The following XPO4 variants were observed in gnomAD, a reference collection of about 807,000 sequenced individuals.
XPO4 encodes exportin-4.
In XPO4, 39 loss-of-function variants were observed where a neutral mutation model predicts 143.0. That is an observed-to-expected ratio of 0.27 (90% CI 0.21 to 0.36). The LOEUF (loss-of-function observed/expected upper bound fraction) is 0.36. Ranked by LOEUF, XPO4 falls within the 10% of genes least tolerant of loss-of-function variation. The pLI is 1.00. For missense variants in XPO4, 907 were observed against 1,348.0 expected (o/e 0.67, Z 5.12); for synonymous variants, 439 against 474.0 (o/e 0.93, Z 0.96).
At chr13:20,826,995 AC>A in intron 7 of XPO4, 71 bp downstream of exon 7, 1 of 1,029,992 alleles carries the variant, frequency 9.7e-7, no homozygotes, top group Admixed American at 1.7e-5. Context: ...GTTCTGTTTT[AC>A]TTAAGAAACT....
chr13:20,836,280 T>C (rs1417858856), intron 6 of XPO4, among the ~76,000 whole-genome samples: 1 of 152,230 alleles, frequency 6.6e-6, no homozygotes, highest in Non-Finnish European at 1.5e-5. Flanking sequence ...ACCAACTATG[T>C]TCTAACTGAT....
intron 6 of XPO4, among the ~76,000 whole-genome samples, chr13:20,839,094 T>C (rs562606034): frequency 6.6e-6 from 1 of 152,132 alleles, no homozygotes; most frequent in East Asian, 1.9e-4. Context: ...CGAAACTCCA[T>C]CTCTACTAAA....
At position 20,786,913 on chromosome 13, in the gene XPO4, T is replaced by C. The variant is rs950655959; in HGVS notation, c.3258+52A>G. ...TGACCCACCATCTATCTCAACAATCTCTTTGCAAAATAGAATGAGAAGAGT... is the reference window on the plus strand; with the variant it reads ...TGACCCACCATCTATCTCAACAATCCCTTTGCAAAATAGAATGAGAAGAGT... On this transcript the variant is annotated intron_variant, in intron 22 of 22. Transcript: ENST00000255305. 97 of 1,467,502 alleles carry C rather than the reference T, an allele frequency of 6.6e-5. 2 individuals are homozygous for C. The South Asian group carries it at 1.2e-3, about 19-fold the overall frequency. 90.9% of individuals were successfully genotyped at this position (1,467,502 alleles called of 1,614,324 possible).
chr13:20,807,630 G>A lies in XPO4; in HGVS notation c.1644C>T (p.Tyr548=), dbSNP rs778524440. ...CTCCCTGAGTATCATCAGCTAAGAG[G>A]TAGCCTTCAGTTTAAAAAAAATTAA... ...DIHWLILVTG[Y]LLADDTQGET... The change falls in exon 13 of 23, where the codon TAC becomes TAT. Residue 548 remains tyrosine (Y), a synonymous_variant. Transcript: ENST00000255305. 1.2e-5 allele frequency: 18 copies of A among 1,563,878 alleles called. No individual in the cohort carries two copies. Among genetic ancestry groups the A allele is most frequent in the Non-Finnish European group, 1.5e-5 (17 of 1,164,246 alleles).
chr13:20,800,477 A>G lies in XPO4; in HGVS notation c.1978-152T>C, dbSNP rs138039861. On this transcript the variant is annotated intron_variant, in intron 14 of 22. Coordinates refer to ENST00000255305, the MANE Select transcript of XPO4 (RefSeq NM_022459.5). ...ACATGTACTCATTTCCACTGGTCAAAAAAAAAGACATCCTCAATCCACTCA... is the reference window on the plus strand; with the variant it reads ...ACATGTACTCATTTCCACTGGTCAAGAAAAAAGACATCCTCAATCCACTCA... The G allele has an allele frequency of 3.1e-5, 23 of 736,026 alleles. No individual in the cohort carries two copies. The Admixed American group carries it at 6.6e-4, about 21-fold the overall frequency. The allele number at this position is 736,026 out of a possible 1,614,324, so 45.6% of individuals were successfully genotyped here. A position where few individuals can be genotyped will look rare whatever the true frequency, so the allele number is the denominator to read the frequency against.
At chr13:20,785,899 A>AG (rs1566551895) in intron 22 of XPO4, among the ~76,000 whole-genome samples, 4 of 45,714 alleles carry the variant, frequency 8.8e-5, no homozygotes, top group South Asian at 2.8e-3. Context: ...AAAGAAAGAA[A>AG]GAGGAGGGAG....
At chr13:20,866,832 G>A (rs2060248947) in intron 2 of XPO4, among the ~76,000 whole-genome samples, 1 of 152,002 alleles carries the variant, frequency 6.6e-6, no homozygotes, top group South Asian at 2.1e-4. Flanking sequence ...AGGAAAGAAT[G>A]GTATAAACAA....
At chr13:20,787,141 G>A (rs2059217010) in intron 21 of XPO4, 84 bp from the exon 22 acceptor site, 6 of 1,160,182 alleles carry the variant, frequency 5.2e-6, no homozygotes, top group Non-Finnish European at 7.3e-6. Context: ...AAGAAGAAGA[G>A]AGGGTTGGTT....
In XPO4 at chr13:20,778,136, A is replaced by ATAGT. The variant is rs1190010516; in HGVS notation, c.*5585_*5586insACTA. The ATAGT allele has an allele frequency of 6.6e-6, 1 of 151,988 alleles. No homozygotes were observed. Among genetic ancestry groups the ATAGT allele is most frequent in the Non-Finnish European group, 1.5e-5 (1 of 68,034 alleles). 9.4% of individuals were successfully genotyped at this position (151,988 alleles called of 1,614,324 possible). On this transcript the variant is annotated 3_prime_UTR_variant, in exon 23 of 23. Coordinates refer to ENST00000255305, the MANE Select transcript of XPO4 (RefSeq NM_022459.5). ...TAAAGATGTCTTTTAAAAAACAGTT[A>ATAGT]TAGATGTGTATTTATTTGGGACCTT...
In XPO4 at chr13:20,821,840, C is replaced by G. The variant is rs766791938; in HGVS notation, c.1037G>C (p.Ser346Thr). ...IEDSEAVGIS[S>T]IISNLITVFP... Reference sequence around the variant, plus strand: ...CACGGTTATCAGGTTGCTGATAATGCTGGAGATCCCCACAGCTTCAGAATC... The same window carrying G: ...CACGGTTATCAGGTTGCTGATAATGGTGGAGATCCCCACAGCTTCAGAATC... The change falls in exon 9 of 23, where the codon AGC becomes ACC. Residue 346 changes from serine (S) to threonine (T), a missense_variant. Transcript: ENST00000255305. 1.2e-5 allele frequency: 19 copies of G among 1,613,774 alleles called. No individual in the cohort carries two copies. Among genetic ancestry groups the G allele is most frequent in the Non-Finnish European group, 1.6e-5 (19 of 1,179,878 alleles).
At chr13:20,860,025 T>C (rs1275430342) in intron 3 of XPO4, 1 of 168,424 alleles carries the variant, frequency 5.9e-6, no homozygotes, top group East Asian at 1.9e-4. Context: ...CTGCTGGCCC[T>C]GACTCCATAA....
intron 3 of XPO4, among the ~76,000 whole-genome samples, chr13:20,861,590 C>CAGGCCTCA (rs1199951771): frequency 6.6e-6 from 1 of 152,000 alleles, no homozygotes. Flanking sequence ...GCCACCACAT[C>CAGGCCTCA]AGGCCTCATA....
At chr13:20,884,070 A>G (rs2060439248) in intron 1 of XPO4, among the ~76,000 whole-genome samples, 1 of 152,118 alleles carries the variant, frequency 6.6e-6, no homozygotes, top group South Asian at 2.1e-4. Flanking sequence ...CCGGCCAAAC[A>G]TATTGTTAAA....
intron 17 of XPO4, 102 bp downstream of exon 17, chr13:20,796,662 T>C: frequency 1.1e-6 from 1 of 908,976 alleles, no homozygotes; most frequent in Non-Finnish European, 1.5e-6. Flanking sequence ...AATAAAAATA[T>C]TATTTAAGAT....
chr13:20,811,846 T>C (rs918875199), intron 9 of XPO4, among the ~76,000 whole-genome samples: 4 of 152,178 alleles, frequency 2.6e-5, no homozygotes, highest in African/African-American at 4.8e-5. Flanking sequence ...AGATGACGCA[T>C]ACAGGGTGAT....
Position 20,781,387 on chromosome 13 carries a change from C to T in XPO4, c.*2335G>A, listed in dbSNP as rs955559436. The T allele has an allele frequency of 1.1e-4, 17 of 152,718 alleles. No homozygotes were observed. Among genetic ancestry groups the T allele is most frequent in the African/African-American group, 3.1e-4 (13 of 41,548 alleles). 9.5% of individuals were successfully genotyped at this position (152,718 alleles called of 1,614,324 possible). A position where few individuals can be genotyped will look rare whatever the true frequency, so the allele number is the denominator to read the frequency against. ...TAGCCGTTGCAACTCAGTGGCATCCCCATCACCTAAAAAATGGTAGTGGCT... is the reference window on the plus strand; with the variant it reads ...TAGCCGTTGCAACTCAGTGGCATCCTCATCACCTAAAAAATGGTAGTGGCT... On this transcript the variant is annotated 3_prime_UTR_variant, in exon 23 of 23. Coordinates refer to ENST00000255305, the MANE Select transcript of XPO4 (RefSeq NM_022459.5).
chr13:20,803,225 C>T lies in XPO4; in HGVS notation c.1818-2235G>A, dbSNP rs538297876. ...ATCTCTTGGTTGATGTGATTAGGTC[C>T]TCTTGTTATTTAATGCAAAGGACTG... is the stretch of plus-strand genomic sequence containing the variant. On this transcript the variant is annotated intron_variant, in intron 13 of 22. Coordinates refer to ENST00000255305, the MANE Select transcript of XPO4 (RefSeq NM_022459.5). The surrounding 1 kb of genome is among the most constrained non-coding windows in gnomAD (Gnocchi z 4.1). 6.6e-6 allele frequency among the ~76,000 whole-genome samples: 1 copy of T among 152,120 alleles called. No homozygotes were observed. The highest frequency in any genetic ancestry group is 1.5e-5 in the Non-Finnish European group (1 of 68,018).
chr13:20,850,759 T>C lies in XPO4; in HGVS notation c.456+4868A>G, dbSNP rs75025822. On this transcript the variant is annotated intron_variant, in intron 4 of 22. Coordinates refer to ENST00000255305, the MANE Select transcript of XPO4 (RefSeq NM_022459.5). ...CAGCCCAGGCGATAGAGCGAGGCCC[T>C]GTTTCTAAAACAACAAAACAAACAA... The C allele has an allele frequency of 9.4e-4, 918 of 979,788 alleles. 13 individuals are homozygous for C. The African/African-American group carries it at 0.015, about 16-fold the overall frequency. The allele number at this position is 979,788 out of a possible 1,614,324, so 60.7% of individuals were successfully genotyped here. A position where few individuals can be genotyped will look rare whatever the true frequency, so the allele number is the denominator to read the frequency against.
chr13:20,807,333 A>G (rs2059520899), intron 13 of XPO4, 124 bp downstream of exon 13: 1 of 976,534 alleles, frequency 1.0e-6, no homozygotes, highest in Admixed American at 3.2e-5. Flanking sequence ...GGCTTCTCCA[A>G]GTTTTCATTT....
Sources: gnomAD v4.1 joint callset for allele counts (sites outside exome capture counted in the v4.1 genomes callset) on GRCh38, gnomAD v4.1.1 for gene constraint, Gnocchi (gnomAD v3.1) non-coding constraint, MANE v1.5 for transcripts, NCBI Gene and HGNC (gene_info 2026-07-23, HGNC 2026-07-21) for gene names.